The following CHCHD4 variants were observed in gnomAD, a reference collection of about 807,000 sequenced individuals.
The protein encoded by CHCHD4 is coiled-coil-helix-coiled-coil-helix domain containing 4.
CHCHD4 carries 7 observed loss-of-function variants against 12.4 expected under a neutral mutation model. The ratio of observed to expected loss-of-function variants is 0.57; its 90% CI spans 0.32 to 1.06. The LOEUF is 1.06. CHCHD4 is among the 50% of genes least tolerant of loss of function. The pLI is 0.04. For synonymous variants in CHCHD4, 56 were observed against 58.0 expected, an observed-to-expected ratio of 0.97 and a Z score of 0.16; for missense variants, 143 against 175.1, an observed-to-expected ratio of 0.82 and a Z score of 1.03.
At chr3:14,114,021 T>G (rs1209348729) in intron 2 of CHCHD4, among the ~76,000 whole-genome samples, 1 of 152,236 alleles carries the variant, frequency 6.6e-6, no homozygotes, top group Non-Finnish European at 1.5e-5. Context: ...ATACAGAAGT[T>G]TCTTACATGA....
chr3:14,122,704 A>T (rs1694949174), intron 1 of CHCHD4, among the ~76,000 whole-genome samples: 2 of 152,252 alleles, frequency 1.3e-5, no homozygotes, highest in African/African-American at 4.8e-5. Flanking sequence ...TCCACAGCCC[A>T]TCTGATGCTC....
intron 1 of CHCHD4, chr3:14,119,259 CTG>C (rs1303160116): frequency 6.6e-6 from 1 of 152,252 alleles, no homozygotes; most frequent in Non-Finnish European, 1.5e-5. Context: ...TTTATTACAT[CTG>C]TGAGTTCACT....
In CHCHD4 at chr3:14,112,667, G is replaced by A. The variant is rs1482246886; in HGVS notation, c.*220C>T. 1.1e-5 allele frequency: 5 copies of A among 444,856 alleles called. No individual in the cohort carries two copies. The highest frequency in any genetic ancestry group is 9.9e-5 in the African/African-American group (5 of 50,490). The allele number at this position is 444,856 out of a possible 1,614,324, so 27.6% of individuals were successfully genotyped here. On this transcript the variant is annotated 3_prime_UTR_variant, in exon 3 of 3. Transcript: ENST00000396914. ...GCAATCTGAGAATTCAAAAGTGGCG[G>A]CCACAGGTTTGGGTAGGACACACAT...
intron 1 of CHCHD4, among the ~76,000 whole-genome samples, chr3:14,123,905 T>C (rs1694969992): frequency 6.6e-6 from 1 of 152,106 alleles, no homozygotes; most frequent in Non-Finnish European, 1.5e-5. Context: ...GGAGCTCAAC[T>C]TTGGGGTGGG....
At position 14,124,853 on chromosome 3, in the gene CHCHD4, C is replaced by G; in HGVS notation, c.-177G>C. 1.4e-6 allele frequency: 1 copy of G among 712,776 alleles called. No individual in the cohort carries two copies. The highest frequency in any genetic ancestry group is 2.3e-6 in the Non-Finnish European group (1 of 433,724). 44.2% of individuals were successfully genotyped at this position (712,776 alleles called of 1,614,324 possible). A position where few individuals can be genotyped will look rare whatever the true frequency, so the allele number is the denominator to read the frequency against. On this transcript the variant is annotated 5_prime_UTR_variant, in exon 1 of 3. Coordinates refer to ENST00000396914, the MANE Select transcript of CHCHD4 (RefSeq NM_001098502.2). The stretch of plus-strand genomic sequence containing the variant: ...GGCGCCCTCGCAACCGCGGCCAGGC[C>G]AACCTCAGCCGGAAACTACATTTCC...
chr3:14,123,510 A>C (rs1694963022), intron 1 of CHCHD4, among the ~76,000 whole-genome samples: 1 of 152,212 alleles, frequency 6.6e-6, no homozygotes, highest in Admixed American at 6.5e-5. Context: ...GAAAAGGCTC[A>C]GAATTTTAGG....
At chr3:14,118,728 G>A (rs1480697993) in intron 1 of CHCHD4, among the ~76,000 whole-genome samples, 1 of 152,202 alleles carries the variant, frequency 6.6e-6, no homozygotes, top group Admixed American at 6.5e-5. Flanking sequence ...AGGCAGCCAG[G>A]ACTTGTTAAA....
Position 14,124,860 on chromosome 3 carries a change from A to T in CHCHD4, c.-184T>A. On this transcript the variant is annotated 5_prime_UTR_variant, in exon 1 of 3. Coordinates refer to ENST00000396914, the MANE Select transcript of CHCHD4 (RefSeq NM_001098502.2). Reference sequence around the variant, plus strand: ...TCGCAACCGCGGCCAGGCCAACCTCAGCCGGAAACTACATTTCCCAGCAGG... The same window carrying T: ...TCGCAACCGCGGCCAGGCCAACCTCTGCCGGAAACTACATTTCCCAGCAGG... 3 of 684,220 alleles carry T rather than the reference A, an allele frequency of 4.4e-6. No individual in the cohort carries two copies. The highest frequency in any genetic ancestry group is 4.9e-6 in the Non-Finnish European group (2 of 406,656). The allele number at this position is 684,220 out of a possible 1,614,324, so 42.4% of individuals were successfully genotyped here.
rs1694937112 is a variant in CHCHD4 at position 14,121,792 on chromosome 3, G to T, written c.22+2863C>A. The T allele has an allele frequency of 9.2e-6, 14 of 1,528,316 alleles. No individual in the cohort carries two copies. In the Admixed American group the frequency reaches 9.6e-5, roughly 10 times the overall value. The allele number at this position is 1,528,316 out of a possible 1,614,324, so 94.7% of individuals were successfully genotyped here. A position where few individuals can be genotyped will look rare whatever the true frequency, so the allele number is the denominator to read the frequency against. The stretch of plus-strand genomic sequence containing the variant: ...TGACTGCTAAGGACTTTCATGTTTA[G>T]AATCTAACCCCTTTGAAAGATACAA... On this transcript the variant is annotated intron_variant, in intron 1 of 2. Coordinates refer to ENST00000396914, the MANE Select transcript of CHCHD4 (RefSeq NM_001098502.2).
chr3:14,113,285 A>G, intron 2 of CHCHD4, 91 bp from the exon 3 acceptor site: 2 of 1,086,324 alleles, frequency 1.8e-6, no homozygotes, highest in East Asian at 4.8e-5. Context: ...GGTGCAGAAC[A>G]GGAACTATTG....
intron 1 of CHCHD4, among the ~76,000 whole-genome samples, chr3:14,122,279 A>G (rs1243930432): frequency 6.6e-6 from 1 of 152,226 alleles, no homozygotes; most frequent in Non-Finnish European, 1.5e-5. Flanking sequence ...ACAGTCTGTA[A>G]TCATGCATTT....
intron 1 of CHCHD4, among the ~76,000 whole-genome samples, chr3:14,118,583 T>C (rs1317863557): frequency 6.6e-6 from 1 of 152,140 alleles, no homozygotes; most frequent in Admixed American, 6.5e-5. Context: ...CAAAAAACCC[T>C]CAGCACACGG....
At chr3:14,114,797 A>G (rs1041284182) in intron 2 of CHCHD4, among the ~76,000 whole-genome samples, 4 of 152,144 alleles carry the variant, frequency 2.6e-5, no homozygotes, top group African/African-American at 7.2e-5. Context: ...CAGGGACACA[A>G]TATAAATCCA....
chr3:14,115,017 T>G (rs1486874717), intron 2 of CHCHD4, among the ~76,000 whole-genome samples: 1 of 148,084 alleles, frequency 6.8e-6, no homozygotes, highest in African/African-American at 2.7e-5. Context: ...TTCTTGGTAC[T>G]CTTAGCTATT....
chr3:14,115,745 A>G (rs748401254), intron 2 of CHCHD4, among the ~76,000 whole-genome samples: 1 of 152,228 alleles, frequency 6.6e-6, no homozygotes, highest in Non-Finnish European at 1.5e-5. Context: ...AGTTGTCATC[A>G]TGGACATCAG....
intron 1 of CHCHD4, among the ~76,000 whole-genome samples, chr3:14,124,220 C>G (rs1694974519): frequency 6.6e-6 from 1 of 152,232 alleles, no homozygotes; most frequent in African/African-American, 2.4e-5. Flanking sequence ...ACAGCACACG[C>G]TACCCCGAGT....
intron 1 of CHCHD4, chr3:14,119,261 G>A (rs1398858196): frequency 2.0e-5 from 3 of 152,226 alleles, no homozygotes; most frequent in Non-Finnish European, 4.4e-5. Flanking sequence ...TATTACATCT[G>A]TGAGTTCACT....
chr3:14,112,718 G>T lies in CHCHD4; in HGVS notation c.*169C>A, dbSNP rs1694833967. 6.3e-6 allele frequency: 4 copies of T among 631,782 alleles called. No individual in the cohort carries two copies. The highest frequency in any genetic ancestry group is 2.7e-6 in the Non-Finnish European group (1 of 374,702). 39.1% of individuals were successfully genotyped at this position (631,782 alleles called of 1,614,324 possible). On this transcript the variant is annotated 3_prime_UTR_variant, in exon 3 of 3. Transcript: ENST00000396914. ...ACATACAACCCCCATTTTTTTCAGT[G>T]TATATGTCAAGATGTCAAGACCTCA...
Position 14,113,213 on chromosome 3 carries a change from G to A in CHCHD4, c.122-19C>T. On this transcript the variant is annotated intron_variant, in intron 2 of 2. Transcript: ENST00000396914. Reference sequence around the variant, plus strand: ...ATCAATCCTAGAACAGGAAGATAGAGAGATGTTCTCTAAAGTTTCAGAAAA... The same window carrying A: ...ATCAATCCTAGAACAGGAAGATAGAAAGATGTTCTCTAAAGTTTCAGAAAA... 1 of 1,573,926 alleles carries A rather than the reference G, an allele frequency of 6.4e-7. No individual in the cohort carries two copies. Among genetic ancestry groups the A allele is most frequent in the Non-Finnish European group, 8.6e-7 (1 of 1,157,064 alleles).
Sources: allele counts gnomAD v4.1 joint callset (sites outside exome capture counted in the v4.1 genomes callset), GRCh38; gene constraint gnomAD v4.1.1; transcripts MANE v1.5; gene names NCBI Gene and HGNC (gene_info 2026-07-23, HGNC 2026-07-21).